SLC13A5: variants seen among roughly 807,000 people sequenced by gnomAD.
SLC13A5 encodes solute carrier family 13 member 5, also known as Na(+)/citrate cotransporter.
In SLC13A5, 25 loss-of-function variants were observed where a neutral mutation model predicts 56.5. The ratio of observed to expected loss-of-function variants is 0.44; its 90% CI spans 0.32 to 0.62. The LOEUF (loss-of-function observed/expected upper bound fraction) is 0.62, where lower values mean the gene tolerates loss of function less well. Among genes scored for constraint, SLC13A5 ranks in the 20% least tolerant of loss-of-function variants. The pLI, the probability that SLC13A5 is intolerant of heterozygous loss-of-function variation, is 0.04. For synonymous variants in SLC13A5, 307 were observed against 301.5 expected (o/e 1.02, Z -0.19); for missense variants, 649 against 737.8 (o/e 0.88, Z 1.39).
At chr17:6,705,698 G>C (rs1045311418) in intron 3 of SLC13A5, 1 of 152,234 alleles carries the variant, frequency 6.6e-6, no homozygotes, top group Non-Finnish European at 1.5e-5. Flanking sequence ...TGTGTGCTCA[G>C]GGTCTAGCAC....
At position 6,706,588 on chromosome 17, in the gene SLC13A5, C is replaced by G. The variant is rs577613110; in HGVS notation, c.368+54G>C. On this transcript the variant is annotated intron_variant, in intron 3 of 11. Transcript: ENST00000433363. The stretch of plus-strand genomic sequence containing the variant: ...GGTCTGTGCCATCCTCCACCCCCTT[C>G]CAGCCCTGGGGCTCATGCAGAGCCA... 45 of 1,593,004 alleles carry G rather than the reference C, an allele frequency of 2.8e-5. No individual in the cohort carries two copies. In the South Asian group the frequency reaches 5.1e-4, roughly 18 times the overall value.
At chr17:6,707,925 G>A (rs1218698199) in intron 1 of SLC13A5, among the ~76,000 whole-genome samples, 1 of 152,162 alleles carries the variant, frequency 6.6e-6, no homozygotes, top group Non-Finnish European at 1.5e-5. Flanking sequence ...TAATAATTAT[G>A]TGATAAAACT....
chr17:6,707,882 C>T (rs1052274253), intron 1 of SLC13A5, among the ~76,000 whole-genome samples: 1 of 152,186 alleles, frequency 6.6e-6, no homozygotes, highest in African/African-American at 2.4e-5. Flanking sequence ...CCGAAAACTA[C>T]GTGTACCCCT....
At position 6,695,909 on chromosome 17, in the gene SLC13A5, C is replaced by T; in HGVS notation, c.872G>A (p.Ser291Asn). ...FKKSWGCGLESKKNEKAALKV... is the reference protein window; with the variant it reads ...FKKSWGCGLENKKNEKAALKV... ...GAGGGCAGCCTTCTCGTTTTTCTTG[C>T]TCTCTAGCCCGCAGCCCCAGGACTT... Residue 291 changes from serine to asparagine, a missense_variant, in exon 7 of 12, where the codon AGC (serine) becomes AAC (asparagine). Ser to Asn is a conservative substitution (Grantham distance 46). Transcript: ENST00000433363. The T allele has an allele frequency of 6.2e-7, 1 of 1,614,090 alleles. No homozygotes were observed. Among genetic ancestry groups the T allele is most frequent in the South Asian group, 1.1e-5 (1 of 91,090 alleles).
intron 1 of SLC13A5, among the ~76,000 whole-genome samples, chr17:6,707,654 G>A (rs970259415): frequency 4.6e-5 from 7 of 152,012 alleles, no homozygotes; most frequent in Admixed American, 2.0e-4. Context: ...ATGGAGTGTC[G>A]CTCTTGCCGC....
rs1973275155 is a variant in SLC13A5 at position 6,687,326 on chromosome 17, G to T, written c.1575+203C>A. On this transcript the variant is annotated intron_variant, in intron 11 of 11. Coordinates refer to ENST00000433363, the MANE Select transcript of SLC13A5 (RefSeq NM_177550.5). The surrounding 1 kb of genome is among the most constrained non-coding windows in gnomAD (Gnocchi z 5.0). ...GAGTCTATAACCCACCTCAGAGAAA[G>T]AACAGTGTGTGAGGCTTGAGATCAT... The T allele has an allele frequency of 1.5e-6, 1 of 681,990 alleles. No individual in the cohort carries two copies. The highest frequency in any genetic ancestry group is 2.3e-6 in the Non-Finnish European group (1 of 428,544). The allele number at this position is 681,990 out of a possible 1,614,324, so 42.2% of individuals were successfully genotyped here. A position where few individuals can be genotyped will look rare whatever the true frequency, so the allele number is the denominator to read the frequency against.
chr17:6,699,657 G>C (rs1450239267), intron 6 of SLC13A5, among the ~76,000 whole-genome samples: 2 of 152,170 alleles, frequency 1.3e-5, no homozygotes, highest in African/African-American at 4.8e-5. Context: ...TTTTAGTAGA[G>C]ATGGGGTTTC....
intron 10 of SLC13A5, chr17:6,688,382 T>C (rs562391808): frequency 2.6e-5 from 4 of 152,358 alleles, no homozygotes; most frequent in African/African-American, 4.8e-5. Context: ...TGGAATAGTA[T>C]GCAGCTGTAA....
rs189737154 is a variant in SLC13A5, at chr17:6,708,321, C to A, written c.103-1165G>T. Among the ~76,000 whole-genome samples the A allele has an allele frequency of 7.9e-5, 12 of 152,298 alleles. No homozygotes were observed. The East Asian group carries it at 1.5e-3, about 20-fold the overall frequency. On this transcript the variant is annotated intron_variant, in intron 1 of 11. Coordinates refer to ENST00000433363, the MANE Select transcript of SLC13A5 (RefSeq NM_177550.5). The stretch of plus-strand genomic sequence containing the variant: ...CGCCTCTTCTATAGTCTGGTTTGTG[C>A]CCTTCCTCTGAGTACCCTCCCCAGC...
Position 6,690,791 on chromosome 17 carries a change from G to T in SLC13A5, c.1425C>A (p.Ile475=). 6.2e-7 allele frequency: 1 copy of T among 1,614,234 alleles called. No individual in the cohort carries two copies. Among genetic ancestry groups the T allele is most frequent in the South Asian group, 1.1e-5 (1 of 91,090 alleles). The part of the protein sequence containing the change: ...NVATTTLFLP[I]FASMSRSIGL... The stretch of plus-strand genomic sequence containing the variant: ...TCAGGTTACTTACCATGGAGGCAAA[G>T]ATGGGCAGGAACAAGGTGGTGGTGG... The change falls in exon 10 of 12, where the codon ATC becomes ATA. Residue 475 remains isoleucine, a synonymous_variant. Transcript: ENST00000433363.
intron 10 of SLC13A5, chr17:6,689,379 C>T (rs576617474): frequency 6.6e-6 from 1 of 152,246 alleles, no homozygotes; most frequent in Admixed American, 6.5e-5. Flanking sequence ...TTTCCTTTCT[C>T]ATAGGTGGGC....
At chr17:6,688,746 G>A (rs915598569) in intron 10 of SLC13A5, 4 of 152,186 alleles carry the variant, frequency 2.6e-5, no homozygotes, top group Non-Finnish European at 4.4e-5. Context: ...CTCCAGCCTG[G>A]GTGACAAGAG....
chr17:6,700,248 T>C (rs1276584421), intron 6 of SLC13A5, among the ~76,000 whole-genome samples: 2 of 152,230 alleles, frequency 1.3e-5, no homozygotes, highest in Non-Finnish European at 2.9e-5. Flanking sequence ...CTGTCCAAAG[T>C]CTGGCTGCCA....
chr17:6,686,422 GC>G, intron 11 of SLC13A5, 84 bp from the exon 12 acceptor site: 1 of 1,561,962 alleles, frequency 6.4e-7, no homozygotes, highest in East Asian at 2.3e-5. Context: ...GGCTCACTGG[GC>G]CTCGATGTCC....
Position 6,707,022 on chromosome 17 carries a change from G to A in SLC13A5, c.231+6C>T. ...AAAGTCACCAGGATCCCTTGGGTCT[G>A]CTCACCTGCCTGGAGTCCAGAATCT... On this transcript the variant is annotated splice_donor_region_variant and intron_variant, in intron 2 of 11. Transcript: ENST00000433363. The A allele has an allele frequency of 6.2e-7, 1 of 1,613,722 alleles. No homozygotes were observed.
In SLC13A5 at chr17:6,684,833, C is replaced by T. The variant is rs1037463182; in HGVS notation, c.*1374G>A. 1 of 152,242 alleles carries T rather than the reference C, an allele frequency of 6.6e-6. No individual in the cohort carries two copies. Among genetic ancestry groups the T allele is most frequent in the African/African-American group, 2.4e-5 (1 of 41,454 alleles). The allele number at this position is 152,242 out of a possible 1,614,324, so 9.4% of individuals were successfully genotyped here. A position where few individuals can be genotyped will look rare whatever the true frequency, so the allele number is the denominator to read the frequency against. On this transcript the variant is annotated 3_prime_UTR_variant, in exon 12 of 12. Transcript: ENST00000433363. ...GTCCTTGATGGGGTTTCCTGAGGCT[C>T]TCATACTTTCTCCTGCCCTGGAAAA...
At position 6,685,135 on chromosome 17, in the gene SLC13A5, T is replaced by C. The variant is rs1420665671; in HGVS notation, c.*1072A>G. On this transcript the variant is annotated 3_prime_UTR_variant, in exon 12 of 12. Coordinates refer to ENST00000433363, the MANE Select transcript of SLC13A5 (RefSeq NM_177550.5). The surrounding 1 kb of genome is among the most constrained non-coding windows in gnomAD (Gnocchi z 4.2). ...AACGATCCTCTGTTGTCACCAGCCA[T>C]GGCTGTGAAGGCCAGTCAACAAAGG... The C allele has an allele frequency of 1.3e-5, 2 of 152,212 alleles. No homozygotes were observed. The highest frequency in any genetic ancestry group is 2.9e-5 in the Non-Finnish European group (2 of 68,062). The allele number at this position is 152,212 out of a possible 1,614,324, so 9.4% of individuals were successfully genotyped here. A position where few individuals can be genotyped will look rare whatever the true frequency, so the allele number is the denominator to read the frequency against.
rs761215437 is a variant in SLC13A5 at position 6,695,919 on chromosome 17, C to G, written c.862G>C (p.Gly288Arg). Residue 288 changes from glycine (G) to arginine (R), a missense_variant, in exon 7 of 12, where the codon GGG becomes CGG. Gly to Arg is a moderately radical substitution (Grantham distance 125). Transcript: ENST00000433363. ...TTCTCGTTTTTCTTGCTCTCTAGCC[C>G]GCAGCCCCAGGACTTTTTAAAACTG... ...RFNFKKSWGCGLESKKNEKAA... is the reference protein window; with the variant it reads ...RFNFKKSWGCRLESKKNEKAA... 1 of 1,613,972 alleles carries G rather than the reference C, an allele frequency of 6.2e-7. No homozygotes were observed. Among genetic ancestry groups the G allele is most frequent in the Non-Finnish European group, 8.5e-7 (1 of 1,180,024 alleles).
rs1369197242 is a variant in SLC13A5, at chr17:6,701,244, T to C, written c.717-118A>G. The C allele has an allele frequency of 1.1e-5, 16 of 1,416,388 alleles. No individual in the cohort carries two copies. The East Asian group carries it at 4.0e-4, about 35-fold the overall frequency. 87.7% of individuals were successfully genotyped at this position (1,416,388 alleles called of 1,614,324 possible). A position where few individuals can be genotyped will look rare whatever the true frequency, so the allele number is the denominator to read the frequency against. On this transcript the variant is annotated intron_variant, in intron 5 of 11. Transcript: ENST00000433363. The surrounding 1 kb of genome is among the most constrained non-coding windows in gnomAD (Gnocchi z 4.1). ...GAGGCGCGCCTGTGTGGAGGCCACA[T>C]CCTCCTGAGGTCTAGCCACCAAGTC...
Sources: gnomAD v4.1 joint callset for allele counts (sites outside exome capture counted in the v4.1 genomes callset) on GRCh38, gnomAD v4.1.1 for gene constraint, Gnocchi (gnomAD v3.1) non-coding constraint, MANE v1.5 for transcripts, NCBI Gene and HGNC (gene_info 2026-07-23, HGNC 2026-07-21) for gene names.